Variants in ETFBKMT observed in about 807,000 individuals in gnomAD.
ETFBKMT encodes electron transfer flavoprotein beta subunit lysine methyltransferase.
A neutral mutation model predicts 18.3 loss-of-function variants in ETFBKMT; 13 were observed. The observed-to-expected ratio is 0.71, with a 90% CI of 0.46 to 1.13. The LOEUF is 1.13. Ranked by LOEUF, ETFBKMT falls within the 50% of genes most tolerant of loss-of-function variation. The pLI is 0.00. For missense variants in ETFBKMT, 293 were observed against 306.2 expected, an observed-to-expected ratio of 0.96 and a Z score of 0.32; for synonymous variants, 84 against 107.9, an observed-to-expected ratio of 0.78 and a Z score of 1.37.
At position 31,671,428 on chromosome 12, in the gene ETFBKMT, C is replaced by CA. The variant is rs1228940062; in HGVS notation, c.*3439dup. 3 of 152,232 alleles carry CA rather than the reference C, an allele frequency of 2.0e-5. No individual in the cohort carries two copies. The East Asian group carries it at 5.8e-4, about 29-fold the overall frequency. The allele number at this position is 152,232 out of a possible 1,614,324, so 9.4% of individuals were successfully genotyped here. A position where few individuals can be genotyped will look rare whatever the true frequency, so the allele number is the denominator to read the frequency against. On this transcript the variant is annotated 3_prime_UTR_variant, in exon 4 of 4. Transcript: ENST00000357721. ...TTTTAAGAAAATCTCAAGACTGGCT[C>CA]ATGGCAAAATGAATATGCTAAATTT...
Position 31,672,337 on chromosome 12 carries a change from G to A in ETFBKMT, c.*4347G>A, listed in dbSNP as rs578248025. ...CAGTCCATGTCACTTGCTTTAGTTT[G>A]TTTGGGCCTACTAATTGCTCCAACA... On this transcript the variant is annotated 3_prime_UTR_variant, in exon 4 of 4. Transcript: ENST00000357721. 10 of 1,579,860 alleles carry A rather than the reference G, an allele frequency of 6.3e-6. No individual in the cohort carries two copies. The highest frequency in any genetic ancestry group is 8.6e-6 in the Non-Finnish European group (10 of 1,161,040).
intron 1 of ETFBKMT, among the ~76,000 whole-genome samples, chr12:31,653,553 A>C (rs1159034189): frequency 2.6e-5 from 4 of 152,246 alleles, no homozygotes; most frequent in African/African-American, 4.8e-5. Flanking sequence ...AAATTTACAC[A>C]GACACGGTGC....
chr12:31,652,593 G>A (rs1003151559), intron 1 of ETFBKMT, among the ~76,000 whole-genome samples: 4 of 152,056 alleles, frequency 2.6e-5, no homozygotes, highest in African/African-American at 9.7e-5. Flanking sequence ...TGTTAATCTG[G>A]TTTATGTCCA....
At chr12:31,655,357 C>G (rs992608691), upstream of ETFBKMT, among the ~76,000 whole-genome samples, 11 of 152,264 alleles carry the variant, frequency 7.2e-5, 1 homozygote, top group East Asian at 1.9e-4. Flanking sequence ...CCTCACAAAT[C>G]GCGCCTAAGA....
upstream of ETFBKMT, among the ~76,000 whole-genome samples, chr12:31,657,765 C>G (rs959007509): frequency 7.1e-6 from 1 of 140,106 alleles, no homozygotes; most frequent in African/African-American, 2.7e-5. Context: ...GCACTCCAGC[C>G]TGGGCGACAG....
upstream of ETFBKMT, among the ~76,000 whole-genome samples, chr12:31,654,837 C>T (rs762383542): frequency 1.3e-5 from 2 of 152,088 alleles, no homozygotes; most frequent in Admixed American, 6.5e-5. Context: ...GGGCAGATCA[C>T]TTGAGGTCAG....
At chr12:31,657,764 C>G (rs1301450941), upstream of ETFBKMT, among the ~76,000 whole-genome samples, 1 of 147,556 alleles carries the variant, frequency 6.8e-6, no homozygotes, top group African/African-American at 2.5e-5. Context: ...TGCACTCCAG[C>G]CTGGGCGACA....
Position 31,672,317 on chromosome 12 carries a change from C to G in ETFBKMT, c.*4327C>G. 4 of 1,575,616 alleles carry G rather than the reference C, an allele frequency of 2.5e-6. No individual in the cohort carries two copies. The highest frequency in any genetic ancestry group is 3.5e-6 in the Non-Finnish European group (4 of 1,158,464). On this transcript the variant is annotated 3_prime_UTR_variant, in exon 4 of 4. Transcript: ENST00000357721. ...TTCAAAAAAGCATCAATAAACAGTC[C>G]ATGTCACTTGCTTTAGTTTGTTTGG...
At position 31,671,569 on chromosome 12, in the gene ETFBKMT, G is replaced by C. The variant is rs1246797158; in HGVS notation, c.*3579G>C. ...ACAATGTGAAATCAATAAACCTGAG[G>C]ATACAAGTCTCTGTAGTGATATTCT... On this transcript the variant is annotated 3_prime_UTR_variant, in exon 4 of 4. Coordinates refer to ENST00000357721, the MANE Select transcript of ETFBKMT (RefSeq NM_001135863.2). The C allele has an allele frequency of 6.6e-6, 1 of 152,116 alleles. No homozygotes were observed. The allele number at this position is 152,116 out of a possible 1,614,324, so 9.4% of individuals were successfully genotyped here.
chr12:31,672,611 G>T lies in ETFBKMT; in HGVS notation c.*4621G>T. The T allele has an allele frequency of 2.8e-6, 1 of 361,382 alleles. No individual in the cohort carries two copies. Among genetic ancestry groups the T allele is most frequent in the Non-Finnish European group, 5.0e-6 (1 of 198,540 alleles). 22.4% of individuals were successfully genotyped at this position (361,382 alleles called of 1,614,324 possible). The stretch of plus-strand genomic sequence containing the variant: ...TTACTTGTTTAAAAAAAAAAAACAG[G>T]CATTTGTTGTTTTCTCTGTAATTTC... On this transcript the variant is annotated 3_prime_UTR_variant, in exon 4 of 4. Transcript: ENST00000357721.
Position 31,667,962 on chromosome 12 carries a change from C to G in ETFBKMT, c.761C>G (p.Thr254Arg), listed in dbSNP as rs371569520. The G allele has an allele frequency of 6.2e-7, 1 of 1,613,926 alleles. No homozygotes were observed. ...AGGCAGGAAAACAGTGGACTGACAA[C>G]AAGCACAGTGTGGGGTTTTCAGCCT... ...STRQENSGLT[T>R]STVWGFQP is the part of the protein sequence containing the mutation. Residue 254 changes from threonine (T) to arginine (R), a missense_variant, in exon 4 of 4, where the codon ACA becomes AGA. Transcript: ENST00000357721.
chr12:31,667,862 C>T lies in ETFBKMT; in HGVS notation c.661C>T (p.Arg221Trp), dbSNP rs151164668. 98 of 1,613,990 alleles carry T rather than the reference C, an allele frequency of 6.1e-5. 1 individual carries two copies. The highest frequency in any genetic ancestry group is 5.6e-5 in the Non-Finnish European group (66 of 1,180,022). ...RTRVLIGDPG[R>W]PQFSGHSIQH... ...TCGAGTACTGATTGGTGACCCTGGGCGGCCCCAGTTCAGTGGACACAGCAT... is the reference window on the plus strand; with the variant it reads ...TCGAGTACTGATTGGTGACCCTGGGTGGCCCCAGTTCAGTGGACACAGCAT... The change falls in exon 4 of 4, where the codon CGG (arginine) becomes TGG (tryptophan). Residue 221 changes from arginine to tryptophan, a missense_variant. Coordinates refer to ENST00000357721, the MANE Select transcript of ETFBKMT (RefSeq NM_001135863.2).
chr12:31,657,839 A>G (rs1355495419), upstream of ETFBKMT, among the ~76,000 whole-genome samples: 1 of 151,656 alleles, frequency 6.6e-6, no homozygotes, highest in Non-Finnish European at 1.5e-5. Flanking sequence ...AGGCAGAATT[A>G]GAGATAGACA....
At chr12:31,657,287 T>C (rs1160851355), upstream of ETFBKMT, among the ~76,000 whole-genome samples, 1 of 152,340 alleles carries the variant, frequency 6.6e-6, no homozygotes, top group East Asian at 1.9e-4. Flanking sequence ...TTGTTATCAG[T>C]TCACAAGTCT....
rs1951304045 is a variant in ETFBKMT, at chr12:31,672,601, A to T, written c.*4611A>T. 1.6e-5 allele frequency: 6 copies of T among 383,298 alleles called. No homozygotes were observed. The East Asian group carries it at 2.6e-4, about 17-fold the overall frequency. The allele number at this position is 383,298 out of a possible 1,614,324, so 23.7% of individuals were successfully genotyped here. On this transcript the variant is annotated 3_prime_UTR_variant, in exon 4 of 4. Transcript: ENST00000357721. ...TATCATGGTATTACTTGTTTAAAAA[A>T]AAAAAACAGGCATTTGTTGTTTTCT... is the stretch of plus-strand genomic sequence containing the variant.
At position 31,668,494 on chromosome 12, in the gene ETFBKMT, C is replaced by CT. The variant is rs5797428; in HGVS notation, c.*518dup. The CT allele has an allele frequency of 0.078, 11,153 of 142,232 alleles. 552 individuals carry two copies. Among genetic ancestry groups the CT allele is most frequent in the East Asian group, 0.21 (1,041 of 4,962 alleles). The allele number at this position is 142,232 out of a possible 1,614,324, so 8.8% of individuals were successfully genotyped here. On this transcript the variant is annotated 3_prime_UTR_variant, in exon 4 of 4. Transcript: ENST00000357721. ...GGGCACTGCAGCCTTGAACTCTGGG[C>CT]TTTTTTTTTTTTTTGAGATGGAGTC...
intron 2 of ETFBKMT, 145 bp downstream of exon 2, chr12:31,662,412 G>T (rs897040041): frequency 1.4e-6 from 1 of 712,352 alleles, no homozygotes; most frequent in East Asian, 2.7e-5. Flanking sequence ...GCTGTAAGCT[G>T]TGATCCTGCC....
In ETFBKMT at chr12:31,671,790, T is replaced by C. The variant is rs1951278377; in HGVS notation, c.*3800T>C. On this transcript the variant is annotated 3_prime_UTR_variant, in exon 4 of 4. Coordinates refer to ENST00000357721, the MANE Select transcript of ETFBKMT (RefSeq NM_001135863.2). ...TCGGTGAAACAAATACCTAAATTCT[T>C]TGAAGAATTAACAGGCTTGATGTTC... The C allele has an allele frequency of 6.6e-6, 1 of 152,528 alleles. No homozygotes were observed. The highest frequency in any genetic ancestry group is 6.5e-5 in the Admixed American group (1 of 15,326). 9.4% of individuals were successfully genotyped at this position (152,528 alleles called of 1,614,324 possible). A position where few individuals can be genotyped will look rare whatever the true frequency, so the allele number is the denominator to read the frequency against.
chr12:31,655,070 C>T (rs372640278), upstream of ETFBKMT, among the ~76,000 whole-genome samples: 1 of 71,780 alleles, frequency 1.4e-5, no homozygotes, highest in Non-Finnish European at 3.0e-5. Context: ...AACAAACAAA[C>T]AAACAAAAAA....
Sources: gnomAD v4.1 joint callset for allele counts (sites outside exome capture counted in the v4.1 genomes callset) on GRCh38, gnomAD v4.1.1 for gene constraint, MANE v1.5 for transcripts, NCBI Gene and HGNC (gene_info 2026-07-23, HGNC 2026-07-21) for gene names.